Variants in MZT2A observed in about 807,000 individuals in gnomAD.
The protein encoded by MZT2A is mitotic-spindle organizing protein 2A.
In MZT2A, 8 loss-of-function variants were observed where a neutral mutation model predicts 12.4. That is an observed-to-expected ratio of 0.64 (90% CI 0.38 to 1.16). The LOEUF is 1.16. Ranked by LOEUF, MZT2A falls within the 50% of genes most tolerant of loss-of-function variation. The pLI is 0.01. For missense variants in MZT2A, 181 were observed against 223.6 expected (o/e 0.81, Z 1.22); for synonymous variants, 88 against 107.5 (o/e 0.82, Z 1.12).
rs767057387 is a variant in MZT2A, at chr2:131,484,260, C to T, written c.320-42G>A. On this transcript the variant is annotated intron_variant, in intron 2 of 2. Transcript: ENST00000309451. The stretch of plus-strand genomic sequence containing the variant: ...CACAATGATTAGGAATGGACGCGCC[C>T]CATAAATGCAGCACCTGCTGTACTC... 15 of 1,598,658 alleles carry T rather than the reference C, an allele frequency of 9.4e-6. 1 individual carries two copies. In the South Asian group the frequency reaches 1.5e-4, roughly 16 times the overall value.
intron 2 of MZT2A, chr2:131,486,347 C>T (rs1679049920): frequency 6.0e-6 from 1 of 165,454 alleles, no homozygotes; most frequent in East Asian, 1.9e-4. Context: ...CCAGCATCCT[C>T]CTCTGAGGCC....
At chr2:131,483,511 C>T (rs1221532330), downstream of MZT2A, among the ~76,000 whole-genome samples, 2 of 152,020 alleles carry the variant, frequency 1.3e-5, no homozygotes, top group East Asian at 1.9e-4. Context: ...GGTGGGAGAT[C>T]GAGACCATCC....
intron 2 of MZT2A, 151 bp from the exon 3 acceptor site, chr2:131,484,369 G>C: frequency 7.8e-7 from 1 of 1,274,866 alleles, no homozygotes; most frequent in Non-Finnish European, 1.1e-6. Context: ...CAAGTCCTGA[G>C]ACTCAGAACC....
chr2:131,492,186 G>A lies in MZT2A; in HGVS notation c.170+21C>T, dbSNP rs565816716. ...GTCGGGGGTGTCTGGCGAGCATGCG[G>A]CCCCCACCCGCCCCGCTCACTTGAA... On this transcript the variant is annotated intron_variant, in intron 1 of 2. Coordinates refer to ENST00000309451, the MANE Select transcript of MZT2A (RefSeq NM_001085365.2). The A allele has an allele frequency of 9.7e-5, 150 of 1,543,908 alleles. No homozygotes were observed. In the African/African-American group the frequency reaches 1.8e-3, roughly 19 times the overall value.
At chr2:131,474,991 C>T (rs1299024111) in intron 2 of MZT2A, among the ~76,000 whole-genome samples, 3 of 152,078 alleles carry the variant, frequency 2.0e-5, no homozygotes, top group South Asian at 2.1e-4. Context: ...GATGGAGTTT[C>T]GCTCTGTCGC....
chr2:131,482,877 C>T (rs768500922), downstream of MZT2A: 4 of 1,600,196 alleles, frequency 2.5e-6, no homozygotes, highest in Non-Finnish European at 3.4e-6. Flanking sequence ...TCTCCCCTGC[C>T]ACCCCCGGGA....
downstream of MZT2A, chr2:131,480,181 A>G (rs1304269697): frequency 1.2e-6 from 2 of 1,613,970 alleles, no homozygotes; most frequent in Admixed American, 1.7e-5. Context: ...GATTACGGCA[A>G]GAAGTCCAAG....
At chr2:131,475,319 C>CT (rs551443616) in intron 2 of MZT2A, among the ~76,000 whole-genome samples, 2,608 of 94,466 alleles carry the variant, frequency 0.028, 203 homozygotes, top group African/African-American at 0.033. Flanking sequence ...TCCTTTCTTC[C>CT]TTTTTTTTTT....
chr2:131,484,382 T>C (rs1489502211), intron 2 of MZT2A, among the ~76,000 whole-genome samples, 164 bp from the exon 3 acceptor site: 2 of 152,212 alleles, frequency 1.3e-5, no homozygotes, highest in Non-Finnish European at 2.9e-5. Context: ...TCAGAACCAC[T>C]AAAGACAGGT....
At chr2:131,480,024 T>C (rs368884795), downstream of MZT2A, 19 of 1,533,154 alleles carry the variant, frequency 1.2e-5, no homozygotes, top group Non-Finnish European at 1.6e-5. Context: ...AGGTTGGTGG[T>C]GTGGCTTCCA....
chr2:131,479,418 G>C (rs1179681152), downstream of MZT2A: 3 of 1,614,210 alleles, frequency 1.9e-6, no homozygotes, highest in Admixed American at 5.0e-5. Flanking sequence ...CATCGGCAAG[G>C]AGATTGTTGA....
chr2:131,487,132 C>G lies in MZT2A; in HGVS notation c.320-2914G>C, dbSNP rs574802189. Among the ~76,000 whole-genome samples the G allele has an allele frequency of 2.0e-5, 3 of 152,228 alleles. No individual in the cohort carries two copies. In the East Asian group the frequency reaches 5.8e-4, roughly 29 times the overall value. ...GTGACTGATGCCCCTACACCTGGTC[C>G]CTGGAGGGCCCTCCTAAACGCCAAA... On this transcript the variant is annotated intron_variant, in intron 2 of 2. Coordinates refer to ENST00000309451, the MANE Select transcript of MZT2A (RefSeq NM_001085365.2).
intron 2 of MZT2A, 138 bp downstream of exon 2, chr2:131,491,738 G>A (rs1441708610): frequency 8.6e-7 from 1 of 1,166,434 alleles, no homozygotes; most frequent in South Asian, 1.6e-5. Flanking sequence ...CCCACGGATG[G>A]GCCCTGCAGG....
upstream of MZT2A, chr2:131,492,986 A>T: frequency 6.6e-7 from 1 of 1,519,872 alleles, no homozygotes; most frequent in Non-Finnish European, 8.9e-7. Flanking sequence ...CGCTTTGCGC[A>T]CGTACCTTTT....
chr2:131,471,857 G>A lies in MZT2A; in HGVS notation c.393+211C>T, dbSNP rs553991573. Among the ~76,000 whole-genome samples, 443 of 152,148 alleles carry A rather than the reference G, an allele frequency of 2.9e-3. 2 individuals carry two copies. Among genetic ancestry groups the A allele is most frequent in the South Asian group, 0.018 (85 of 4,832 alleles). On this transcript the variant is annotated intron_variant and NMD_transcript_variant, in intron 3 of 4. Transcript: ENST00000427024. ...AGCATGCTGAAAGGCACCCATGGCAGGGAGCCAAGCCCAGCTAGCTGACAT... is the reference window on the plus strand; with the variant it reads ...AGCATGCTGAAAGGCACCCATGGCAAGGAGCCAAGCCCAGCTAGCTGACAT...
At position 131,492,314 on chromosome 2, in the gene MZT2A, G is replaced by A; in HGVS notation, c.63C>T (p.Ala21=). 2.0e-6 allele frequency: 3 copies of A among 1,531,334 alleles called. No individual in the cohort carries two copies. The highest frequency in any genetic ancestry group is 2.6e-6 in the Non-Finnish European group (3 of 1,147,514). 94.9% of individuals were successfully genotyped at this position (1,531,334 alleles called of 1,614,324 possible). ...TGCGCCGCAGCGCCAGCTTCTGCCG[G>A]GCCGCCTCCAGCCCCGGGGGCGCCG... ...GSAAPPGLEA[A]RQKLALRRKK... Residue 21 remains alanine, a synonymous_variant, in exon 1 of 3, where the codon GCC becomes GCT. Coordinates refer to ENST00000309451, the MANE Select transcript of MZT2A (RefSeq NM_001085365.2).
intron 2 of MZT2A, chr2:131,490,118 AG>A (rs1373027418): frequency 1.5e-6 from 1 of 684,370 alleles, no homozygotes; most frequent in Admixed American, 6.2e-5. Flanking sequence ...CGCTGTCAGG[AG>A]GCTCATGCAG....
At chr2:131,483,157 G>A (rs1678917974), downstream of MZT2A, among the ~76,000 whole-genome samples, 2 of 152,192 alleles carry the variant, frequency 1.3e-5, no homozygotes, top group African/African-American at 4.8e-5. Context: ...TTCTAGGAAA[G>A]CAGAGTCAGG....
intron 2 of MZT2A, among the ~76,000 whole-genome samples, chr2:131,487,584 A>G (rs9287509): frequency 0.97 from 147,685 of 152,184 alleles, 71,742 homozygotes; most frequent in East Asian, 1. Context: ...CAGTACATAA[A>G]TTATTCATAA....
Sources: allele counts gnomAD v4.1 joint callset (sites outside exome capture counted in the v4.1 genomes callset), GRCh38; gene constraint gnomAD v4.1.1; transcripts MANE v1.5; gene names NCBI Gene and HGNC (gene_info 2026-07-23, HGNC 2026-07-21).